The following PRIM2 variants were observed in gnomAD, a reference collection of about 807,000 sequenced individuals.
PRIM2 encodes DNA primase subunit 2, also known as DNA primase large subunit.
PRIM2 carries 39 observed loss-of-function variants against 67.3 expected under a neutral mutation model. That is an observed-to-expected ratio of 0.58 (90% CI 0.45 to 0.76). The LOEUF is 0.76. PRIM2 is among the 30% of genes least tolerant of loss of function. The pLI is 0.00. For missense variants in PRIM2, 398 were observed against 598.7 expected, an observed-to-expected ratio of 0.66 and a Z score of 3.50; for synonymous variants, 143 against 198.7, an observed-to-expected ratio of 0.72 and a Z score of 2.36.
intron 10 of PRIM2, among the ~76,000 whole-genome samples, chr6:57,560,160 A>G (rs1159402452): frequency 6.0e-4 from 91 of 152,306 alleles, no homozygotes; most frequent in Non-Finnish European, 1.0e-3. Flanking sequence ...AATAACCTAA[A>G]TCTTTTGTTG....
At chr6:57,329,421 T>A (rs1377862112) in intron 5 of PRIM2, among the ~76,000 whole-genome samples, 1 of 152,200 alleles carries the variant, frequency 6.6e-6, no homozygotes, top group Non-Finnish European at 1.5e-5. Context: ...TGAATTGTCT[T>A]GGCACACTTG....
chr6:57,300,673 T>C, the PRIM2 span, among the ~76,000 whole-genome samples: 4 of 152,164 alleles, frequency 2.6e-5, no homozygotes, highest in Middle Eastern at 3.2e-3. Flanking sequence ...TAAATCATAG[T>C]TTAAACTTGG....
intron 7 of PRIM2, among the ~76,000 whole-genome samples, chr6:57,399,285 G>T (rs1383728908): frequency 6.6e-6 from 1 of 152,144 alleles, no homozygotes; most frequent in Non-Finnish European, 1.5e-5. Context: ...GTGAGAACAT[G>T]CAGTGTTTTG....
At chr6:57,289,446 T>C in the PRIM2 span, among the ~76,000 whole-genome samples, 1 of 152,036 alleles carries the variant, frequency 6.6e-6, no homozygotes, top group Admixed American at 6.5e-5. Flanking sequence ...ATTCAGGAAA[T>C]ACAGGGAACA....
intron 10 of PRIM2, among the ~76,000 whole-genome samples, chr6:57,553,870 C>A (rs1283370312): frequency 3.3e-4 from 50 of 152,266 alleles, no homozygotes; most frequent in African/African-American, 1.1e-3. Flanking sequence ...TCCACAGTTT[C>A]TAAATTCTTA....
chr6:57,510,374 A>G (rs1554347595), intron 8 of PRIM2, among the ~76,000 whole-genome samples: 14 of 152,306 alleles, frequency 9.2e-5, no homozygotes, highest in East Asian at 7.7e-4. Flanking sequence ...TTCAAAAGGT[A>G]AAAACCTAAA....
intron 7 of PRIM2, among the ~76,000 whole-genome samples, chr6:57,503,621 C>G (rs1774190002): frequency 6.6e-6 from 1 of 152,042 alleles, no homozygotes; most frequent in Non-Finnish European, 1.5e-5. Flanking sequence ...TGGTGGCACA[C>G]ACCTGTAATC....
At chr6:57,515,120 T>A (rs1554348106) in intron 8 of PRIM2, among the ~76,000 whole-genome samples, 74,750 of 151,986 alleles carry the variant, frequency 0.49, 18,529 homozygotes, top group East Asian at 0.66. Flanking sequence ...ACTTTTAAAA[T>A]TTTCACTTAA....
intron 7 of PRIM2, among the ~76,000 whole-genome samples, chr6:57,387,127 C>A (rs1770180762): frequency 1.3e-5 from 2 of 152,152 alleles, no homozygotes; most frequent in Admixed American, 1.3e-4. Context: ...TTTGTGTTCC[C>A]ACAGCATTCT....
the PRIM2 span, among the ~76,000 whole-genome samples, chr6:57,301,527 T>G: frequency 3.3e-5 from 5 of 151,976 alleles, no homozygotes; most frequent in Non-Finnish European, 7.4e-5. Flanking sequence ...AGAGTCTGGG[T>G]GCAGTGGCTC....
intron 5 of PRIM2, among the ~76,000 whole-genome samples, chr6:57,347,390 A>C (rs898895619): frequency 1.6e-4 from 25 of 152,236 alleles, no homozygotes; most frequent in Non-Finnish European, 3.5e-4. Flanking sequence ...TAACATTTGT[A>C]ATGTGTTTGT....
chr6:57,273,847 A>G, the PRIM2 span, among the ~76,000 whole-genome samples: 2 of 151,954 alleles, frequency 1.3e-5, no homozygotes, highest in Admixed American at 1.3e-4. Flanking sequence ...CTTCTAACAG[A>G]CAGGTACCTC....
the PRIM2 span, among the ~76,000 whole-genome samples, chr6:57,249,051 CAG>C: frequency 1.3e-5 from 2 of 152,202 alleles, no homozygotes; most frequent in African/African-American, 4.8e-5. Flanking sequence ...ACTGGGGAAA[CAG>C]ATTTAGTTAG....
At chr6:57,306,705 T>C in the PRIM2 span, among the ~76,000 whole-genome samples, 1 of 152,184 alleles carries the variant, frequency 6.6e-6, no homozygotes, top group African/African-American at 2.4e-5. Context: ...TTGGGTCTAA[T>C]AGGGAGAGAA....
At chr6:57,380,046 T>G in intron 6 of PRIM2, 50 bp downstream of exon 6, 1 of 1,444,990 alleles carries the variant, frequency 6.9e-7, no homozygotes, top group Non-Finnish European at 9.4e-7. Context: ...TATGTCGCAT[T>G]GAGCTTTATA....
intron 11 of PRIM2, among the ~76,000 whole-genome samples, chr6:57,604,776 C>T (rs1776529502): frequency 1.3e-5 from 2 of 151,566 alleles, no homozygotes; most frequent in African/African-American, 4.8e-5. Context: ...CTGCAAGCTC[C>T]GCCTCCTGGG....
intron 11 of PRIM2, among the ~76,000 whole-genome samples, chr6:57,604,595 G>C (rs1776527441): frequency 1.3e-5 from 2 of 151,986 alleles, no homozygotes; most frequent in Non-Finnish European, 1.5e-5. Context: ...GATGTTGGCT[G>C]TGGGTTTCTC....
At chr6:57,624,621 A>G (rs1164184966) in intron 12 of PRIM2, among the ~76,000 whole-genome samples, 1 of 152,190 alleles carries the variant, frequency 6.6e-6, no homozygotes, top group African/African-American at 2.4e-5. Context: ...CCCTGTGCCT[A>G]ATGTAAGGCA....
chr6:57,442,875 A>C (rs1469328497), intron 7 of PRIM2, among the ~76,000 whole-genome samples: 1 of 152,106 alleles, frequency 6.6e-6, no homozygotes, highest in Non-Finnish European at 1.5e-5. Flanking sequence ...GAGGACTCAA[A>C]GAAAAAAAAA....
Sources: gnomAD v4.1 joint callset for allele counts (sites outside exome capture counted in the v4.1 genomes callset) on GRCh38, gnomAD v4.1.1 for gene constraint, MANE v1.5 for transcripts, NCBI Gene and HGNC (gene_info 2026-07-23, HGNC 2026-07-21) for gene names.